Variants in KIF5C observed in about 807,000 individuals in gnomAD.
KIF5C encodes the protein kinesin heavy chain isoform 5C.
A neutral mutation model predicts 125.2 loss-of-function variants in KIF5C; 18 were observed. The ratio of observed to expected loss-of-function variants is 0.14; its 90% confidence interval spans 0.10 to 0.21. The LOEUF is 0.21. Ranked by LOEUF, KIF5C falls within the 10% of genes least tolerant of loss-of-function variation. The pLI, the probability that KIF5C is intolerant of heterozygous loss-of-function variation, is 1.00. For missense variants in KIF5C, 780 were observed against 1,183.8 expected, an observed-to-expected ratio of 0.66 and a Z score of 5.01; for synonymous variants, 405 against 434.0, an observed-to-expected ratio of 0.93 and a Z score of 0.83.
chr2:148,946,847 C>T lies in KIF5C; in HGVS notation c.590-52C>T, dbSNP rs1016749304. The T allele has an allele frequency of 1.9e-5, 31 of 1,592,032 alleles. No individual in the cohort carries two copies. The African/African-American group carries it at 3.7e-4, about 19-fold the overall frequency. On this transcript the variant is annotated intron_variant, in intron 7 of 25. Transcript: ENST00000435030. ...TTATGCTTTTTAAATGAGAGGATTG[C>T]TACCTAAACCTACATGTTCTTTGTA... is the stretch of plus-strand genomic sequence containing the variant.
chr2:148,923,814 A>G (rs1429187937), intron 2 of KIF5C, among the ~76,000 whole-genome samples: 1 of 152,212 alleles, frequency 6.6e-6, no homozygotes, highest in Non-Finnish European at 1.5e-5. Flanking sequence ...AACAACCTGT[A>G]GTAATACTCT....
intron 21 of KIF5C, 37 bp from the exon 22 acceptor site, chr2:149,005,356 T>C (rs1681975899): frequency 6.2e-7 from 1 of 1,605,666 alleles, no homozygotes. Context: ...ATTCAGTGAA[T>C]TGCTGCACTT....
At chr2:149,004,488 T>A (rs1427459040) in intron 21 of KIF5C, among the ~76,000 whole-genome samples, 1 of 152,154 alleles carries the variant, frequency 6.6e-6, no homozygotes, top group East Asian at 1.9e-4. Context: ...TTAACAAAGA[T>A]CACCAGATTT....
At chr2:148,941,194 C>T (rs1682399452) in intron 4 of KIF5C, among the ~76,000 whole-genome samples, 2 of 152,160 alleles carry the variant, frequency 1.3e-5, no homozygotes, top group Admixed American at 6.5e-5. Context: ...CTGCCCTTGC[C>T]CTCTCCTGGC....
chr2:148,970,931 G>T (rs1680882171), intron 11 of KIF5C, among the ~76,000 whole-genome samples: 1 of 152,124 alleles, frequency 6.6e-6, no homozygotes, highest in Admixed American at 6.5e-5. Flanking sequence ...GGAGTGAGTT[G>T]GCCTGTGGAT....
chr2:149,017,988 C>T (rs1271442612), intron 25 of KIF5C, among the ~76,000 whole-genome samples: 2 of 152,144 alleles, frequency 1.3e-5, no homozygotes, highest in East Asian at 3.9e-4. Flanking sequence ...TTTGGGATGC[C>T]TGTTTTTTGT....
intron 1 of KIF5C, chr2:148,883,805 A>G (rs968611769): frequency 6.6e-6 from 1 of 150,858 alleles, no homozygotes; most frequent in Non-Finnish European, 1.5e-5. Context: ...TTTTTTTCCT[A>G]TTATAAACAA....
chr2:148,937,191 G>C (rs919288258), intron 3 of KIF5C, 93 bp from the exon 4 acceptor site: 4 of 1,500,218 alleles, frequency 2.7e-6, no homozygotes, highest in African/African-American at 1.4e-5. Flanking sequence ...GCTCCACCGG[G>C]TTCTGTCTGA....
chr2:148,879,552 T>TG (rs1202879754), intron 1 of KIF5C: 1 of 44,852 alleles, frequency 2.2e-5, no homozygotes, highest in Non-Finnish European at 4.5e-5. Context: ...AAGTAGAGGG[T>TG]GGGGGTGGGT....
chr2:148,995,314 A>G (rs1681635589), intron 17 of KIF5C, among the ~76,000 whole-genome samples: 1 of 152,186 alleles, frequency 6.6e-6, no homozygotes, highest in Non-Finnish European at 1.5e-5. Flanking sequence ...CTTCCATGGC[A>G]TCCTGTTGCT....
rs1037304533 is a variant in KIF5C at position 149,023,982 on chromosome 2, T to TAC, written c.*912_*913insAC. The TAC allele has an allele frequency of 6.6e-6, 1 of 152,180 alleles. No homozygotes were observed. The highest frequency in any genetic ancestry group is 2.4e-5 in the African/African-American group (1 of 41,430). 9.4% of individuals were successfully genotyped at this position (152,180 alleles called of 1,614,324 possible). A position where few individuals can be genotyped will look rare whatever the true frequency, so the allele number is the denominator to read the frequency against. On this transcript the variant is annotated 3_prime_UTR_variant, in exon 26 of 26. Transcript: ENST00000435030. ...GCTTGAGTGGGTATTGCTGAAGAAA[T>TAC]CCAACATCATTCCAGCAGTTGAAAA...
chr2:148,913,949 C>T (rs1363730087), intron 1 of KIF5C, among the ~76,000 whole-genome samples: 2 of 152,126 alleles, frequency 1.3e-5, no homozygotes, highest in Non-Finnish European at 2.9e-5. Context: ...GCTCCTTCCT[C>T]TGAGTGCAGA....
At chr2:148,956,257 A>G (rs114445006) in intron 10 of KIF5C, among the ~76,000 whole-genome samples, 3,280 of 152,312 alleles carry the variant, frequency 0.022, 47 homozygotes, top group Middle Eastern at 0.031. Flanking sequence ...TGAAATGTAA[A>G]CTGCAAATTC....
At chr2:149,020,350 G>C (rs1479072257) in intron 25 of KIF5C, 1 of 152,166 alleles carries the variant, frequency 6.6e-6, no homozygotes. Flanking sequence ...CAGAGTTCCT[G>C]TGCTTTTCCT....
chr2:148,882,897 C>G (rs1390028952), intron 1 of KIF5C, among the ~76,000 whole-genome samples: 1 of 152,134 alleles, frequency 6.6e-6, no homozygotes, highest in Admixed American at 6.5e-5. Flanking sequence ...AAATTGTGTC[C>G]CATTTATTTC....
At chr2:148,979,574 T>C (rs945635081) in intron 13 of KIF5C, among the ~76,000 whole-genome samples, 1 of 152,168 alleles carries the variant, frequency 6.6e-6, no homozygotes, top group Admixed American at 6.5e-5. Flanking sequence ...CACCTGGCCT[T>C]GGGCAAGGAT....
chr2:148,961,901 G>A (rs1379555595), intron 10 of KIF5C, 70 bp from the exon 11 acceptor site: 3 of 1,531,378 alleles, frequency 2.0e-6, no homozygotes. Context: ...GAGGAATCTT[G>A]GGCTTAATCA....
intron 21 of KIF5C, among the ~76,000 whole-genome samples, chr2:149,001,355 G>A (rs1338900882): frequency 6.6e-6 from 1 of 152,196 alleles, no homozygotes; most frequent in Non-Finnish European, 1.5e-5. Flanking sequence ...AGCATTCCAG[G>A]CAGAGGCAAC....
intron 9 of KIF5C, 38 bp downstream of exon 9, chr2:148,949,981 G>T (rs1198503958): frequency 1.9e-6 from 3 of 1,591,584 alleles, no homozygotes; most frequent in South Asian, 2.3e-5. Flanking sequence ...GTAATATTAT[G>T]AGAAACCACC....
Sources: gnomAD v4.1 joint callset for allele counts (sites outside exome capture counted in the v4.1 genomes callset) on GRCh38, gnomAD v4.1.1 for gene constraint, MANE v1.5 for transcripts, NCBI Gene and HGNC (gene_info 2026-07-23, HGNC 2026-07-21) for gene names.